Variants in LMOD1 observed in about 807,000 individuals in gnomAD.
LMOD1 encodes leiomodin-1.
In LMOD1, 8 loss-of-function variants were observed where a neutral mutation model predicts 36.5. The ratio of observed to expected loss-of-function variants is 0.22; its 90% CI spans 0.13 to 0.40. The LOEUF (loss-of-function observed/expected upper bound fraction) is 0.40, where lower values mean the gene tolerates loss of function less well. Among genes scored for constraint, LMOD1 ranks in the 10% least tolerant of loss-of-function variants. The probability of loss-of-function intolerance (pLI) is 1.00; values close to 1 mark genes in which losing one functional copy is unlikely to be tolerated. For synonymous variants in LMOD1, 284 were observed against 288.7 expected, an observed-to-expected ratio of 0.98 and a Z score of 0.17; for missense variants, 630 against 751.1, an observed-to-expected ratio of 0.84 and a Z score of 1.88.
rs199655500 is a variant in LMOD1 at position 201,900,333 on chromosome 1, C to A, written c.680G>T (p.Arg227Leu). Residue 227 changes from arginine (R) to leucine (L), a missense_variant, in exon 2 of 3, where the codon CGT (arginine) becomes CTT (leucine). Arg to Leu is a moderately radical substitution (Grantham distance 102). This residue lies in a region of LMOD1 where 405 missense variants were observed against 400.6 expected (regional missense o/e 1.01). Transcript: ENST00000367288. The part of the protein sequence containing the change: ...KEDDEKVKGE[R>L]RNTDTRKEGE... ...CTCTTTTCTGGTGTCTGTGTTCCTA[C>A]GCTCCCCTTTTACCTTCTCATCATC... is the stretch of plus-strand genomic sequence containing the variant. The A allele has an allele frequency of 3.8e-6, 6 of 1,584,974 alleles. No individual in the cohort carries two copies. The African/African-American group carries it at 8.1e-5, about 21-fold the overall frequency.
At chr1:201,905,496 T>C (rs536680344) in intron 1 of LMOD1, among the ~76,000 whole-genome samples, 3 of 152,344 alleles carry the variant, frequency 2.0e-5, no homozygotes, top group South Asian at 2.1e-4. Context: ...ACCACCTCCA[T>C]TGGCAAAAGA....
In LMOD1 at chr1:201,899,699, G is replaced by A; in HGVS notation, c.1314C>T (p.Ala438=). Reference sequence around the variant, plus strand: ...GGGTAGTATTCTCCTTCAGCAGCTTGGCGATCTCCATCTCCGTCTTGCCTC... The same window carrying A: ...GGGTAGTATTCTCCTTCAGCAGCTTAGCGATCTCCATCTCCGTCTTGCCTC... The part of the protein sequence containing the change: ...ICGGKTEMEI[A]KLLKENTTLL... The change falls in exon 2 of 3, where the codon GCC becomes GCT. Residue 438 remains alanine (A), a synonymous_variant. Coordinates refer to ENST00000367288, the MANE Select transcript of LMOD1 (RefSeq NM_012134.3). The surrounding 1 kb of genome is among the most constrained non-coding windows in gnomAD (Gnocchi z 6.3). 6.2e-7 allele frequency: 1 copy of A among 1,614,030 alleles called. No homozygotes were observed. Among genetic ancestry groups the A allele is most frequent in the Non-Finnish European group, 8.5e-7 (1 of 1,179,908 alleles).
intron 1 of LMOD1, among the ~76,000 whole-genome samples, chr1:201,933,598 T>TATATATATATATATATATATAC: frequency 1.5e-4 from 1 of 6,568 alleles, no homozygotes; most frequent in Non-Finnish European, 8.1e-4. Flanking sequence ...ACATACATTA[T>TATATATATATATATATATATAC]ATATATATAT....
At chr1:201,929,688 G>A (rs1289479546) in intron 1 of LMOD1, among the ~76,000 whole-genome samples, 2 of 152,214 alleles carry the variant, frequency 1.3e-5, no homozygotes, top group Non-Finnish European at 2.9e-5. Flanking sequence ...AATCAAGTAT[G>A]ATAGAACTGC....
chr1:201,914,798 C>T (rs1223223589), intron 1 of LMOD1, among the ~76,000 whole-genome samples: 6 of 151,788 alleles, frequency 4.0e-5, no homozygotes, highest in East Asian at 1.9e-4. Context: ...ATTGCACTCC[C>T]GCACCCTCTT....
intron 1 of LMOD1, among the ~76,000 whole-genome samples, chr1:201,924,613 A>G: frequency 6.7e-6 from 1 of 150,370 alleles, no homozygotes; most frequent in Non-Finnish European, 1.5e-5. Context: ...AGGAAGGAAA[A>G]GAAAGAAGAA....
intron 1 of LMOD1, among the ~76,000 whole-genome samples, chr1:201,933,531 C>T (rs10920281): frequency 4.6e-5 from 5 of 108,264 alleles, no homozygotes; most frequent in African/African-American, 1.6e-4. Context: ...CTCTCTCTCT[C>T]TATATATATA....
rs758455719 is a variant in LMOD1, at chr1:201,900,096, G to A, written c.917C>T (p.Pro306Leu). 9 of 1,613,778 alleles carry A rather than the reference G, an allele frequency of 5.6e-6. No individual in the cohort carries two copies. The highest frequency in any genetic ancestry group is 2.2e-5 in the South Asian group (2 of 91,076). Reference sequence around the variant, plus strand: ...AGCTGCCTCCTCCTCCACCTTGGCCGGTCCTTCAGAGGGCTTGGTGGGGCC... The same window carrying A: ...AGCTGCCTCCTCCTCCACCTTGGCCAGTCCTTCAGAGGGCTTGGTGGGGCC... ...PSGPTKPSEG[P>L]AKVEEEAAPS... The change falls in exon 2 of 3, where the codon CCG becomes CTG. Residue 306 changes from proline (P) to leucine (L), a missense_variant. Pro to Leu is a moderately conservative substitution (Grantham distance 98, BLOSUM62 -3). Coordinates refer to ENST00000367288, the MANE Select transcript of LMOD1 (RefSeq NM_012134.3).
intron 1 of LMOD1, among the ~76,000 whole-genome samples, chr1:201,924,675 AAG>A (rs1681790189): frequency 4.7e-5 from 1 of 21,504 alleles, no homozygotes; most frequent in East Asian, 2.2e-3. Flanking sequence ...AAAAGAAAGA[AAG>A]AAAGAAAGAA....
At chr1:201,915,270 T>C (rs936381124) in intron 1 of LMOD1, among the ~76,000 whole-genome samples, 1 of 152,086 alleles carries the variant, frequency 6.6e-6, no homozygotes, top group African/African-American at 2.4e-5. Context: ...GGCAAGGTCT[T>C]ATTTTAGGCC....
At chr1:201,934,166 C>T (rs1232883796) in intron 1 of LMOD1, among the ~76,000 whole-genome samples, 7 of 152,144 alleles carry the variant, frequency 4.6e-5, no homozygotes, top group East Asian at 3.9e-4. Flanking sequence ...ATTTCATGTC[C>T]GGAAGTACTT....
At chr1:201,927,445 A>G (rs1681845995) in intron 1 of LMOD1, among the ~76,000 whole-genome samples, 1 of 152,142 alleles carries the variant, frequency 6.6e-6, no homozygotes, top group Admixed American at 6.6e-5. Flanking sequence ...GTGTGCCTGT[A>G]ATCCCAGCTA....
intron 1 of LMOD1, among the ~76,000 whole-genome samples, chr1:201,917,793 G>A (rs1681636111): frequency 6.6e-6 from 1 of 152,224 alleles, no homozygotes. Context: ...AGGCTTCTGG[G>A]TCCCACTTAG....
chr1:201,939,419 T>G (rs1318220881), intron 1 of LMOD1, among the ~76,000 whole-genome samples: 1 of 152,180 alleles, frequency 6.6e-6, no homozygotes, highest in Admixed American at 6.5e-5. Context: ...TAATGTTCTT[T>G]CTTCCTTGGG....
rs750389737 is a variant in LMOD1 at position 201,898,348 on chromosome 1, C to T, written c.*24G>A. 3.7e-6 allele frequency: 6 copies of T among 1,611,074 alleles called. No homozygotes were observed. Among genetic ancestry groups the T allele is most frequent in the Non-Finnish European group, 5.1e-6 (6 of 1,178,722 alleles). ...GAGGCCTGAGCAGTCATGGCATTGG[C>T]AGATGGTGCCTGGCAGCCTGGTCCT... On this transcript the variant is annotated 3_prime_UTR_variant, in exon 3 of 3. Transcript: ENST00000367288.
At chr1:201,929,903 AAC>A (rs1388982607) in intron 1 of LMOD1, among the ~76,000 whole-genome samples, 1 of 152,204 alleles carries the variant, frequency 6.6e-6, no homozygotes, top group African/African-American at 2.4e-5. Flanking sequence ...GTGCTTTGTG[AAC>A]ACAGAGGTGG....
chr1:201,939,200 C>CA, intron 1 of LMOD1, among the ~76,000 whole-genome samples: 1 of 151,396 alleles, frequency 6.6e-6, no homozygotes, highest in South Asian at 2.1e-4. Flanking sequence ...TATACAGGTA[C>CA]AAACTCTGAA....
chr1:201,908,748 T>C (rs528946858), intron 1 of LMOD1, among the ~76,000 whole-genome samples: 51 of 152,278 alleles, frequency 3.3e-4, no homozygotes, highest in Non-Finnish European at 5.4e-4. Context: ...CTGGAAATGC[T>C]TGGTGATGAC....
At chr1:201,939,690 G>A (rs1188208214) in intron 1 of LMOD1, among the ~76,000 whole-genome samples, 1 of 152,130 alleles carries the variant, frequency 6.6e-6, no homozygotes, top group Admixed American at 6.6e-5. Context: ...CAACTTGGCA[G>A]GCATGTAAAT....
Sources: gnomAD v4.1 joint callset for allele counts (sites outside exome capture counted in the v4.1 genomes callset) on GRCh38, gnomAD v4.1.1 for gene constraint, gnomAD v4.1.1 regional missense constraint, Gnocchi (gnomAD v3.1) non-coding constraint, MANE v1.5 for transcripts, NCBI Gene and HGNC (gene_info 2026-07-23, HGNC 2026-07-21) for gene names.